The following PTGER4 variants were observed in gnomAD, a reference collection of about 807,000 sequenced individuals.
The protein encoded by PTGER4 is prostaglandin E2 receptor EP4 subtype.
In PTGER4, 11 loss-of-function variants were observed where a neutral mutation model predicts 33.2. The ratio of observed to expected loss-of-function variants is 0.33; its 90% CI spans 0.21 to 0.55. The LOEUF is 0.55. Ranked by LOEUF, PTGER4 falls within the 20% of genes least tolerant of loss-of-function variation. The pLI is 0.92. For missense variants in PTGER4, 481 were observed against 650.2 expected, an observed-to-expected ratio of 0.74 and a Z score of 2.83; for synonymous variants, 275 against 281.5, an observed-to-expected ratio of 0.98 and a Z score of 0.23.
At chr5:40,728,495 CA>C in the PTGER4 span, 5 of 1,572,576 alleles carry the variant, frequency 3.2e-6, no homozygotes, top group East Asian at 2.3e-5. Flanking sequence ...AAAAAAAGAC[CA>C]AAAAATCTGT....
chr5:40,681,088 T>G lies in PTGER4; in HGVS notation c.95T>G (p.Val32Gly). The G allele has an allele frequency of 6.2e-7, 1 of 1,613,766 alleles. No individual in the cohort carries two copies. Among genetic ancestry groups the G allele is most frequent in the Non-Finnish European group, 8.5e-7 (1 of 1,179,974 alleles). ...CCGGCGGTGATGTTCATCTTCGGGG[T>G]GGTGGGCAACCTGGTGGCCATCGTG... ...TIPAVMFIFG[V>G]VGNLVAIVVL... Residue 32 changes from valine to glycine, a missense_variant, in exon 2 of 3, where the codon GTG (valine) becomes GGG (glycine). Physicochemically the swap from Val to Gly is moderately radical, Grantham distance 109. Transcript: ENST00000302472. This position sits in a 1 kb window ranked among gnomAD's most constrained non-coding sequence, Gnocchi z 9.8.
At chr5:40,695,667 G>C (rs913099613), downstream of PTGER4, among the ~76,000 whole-genome samples, 3 of 152,032 alleles carry the variant, frequency 2.0e-5, no homozygotes. Flanking sequence ...AGCCAAGATC[G>C]GCCACTGAAC....
the PTGER4 span, among the ~76,000 whole-genome samples, chr5:40,706,749 T>G: frequency 6.6e-6 from 1 of 151,722 alleles, no homozygotes; most frequent in Non-Finnish European, 1.5e-5. Flanking sequence ...TTAAAAGGTA[T>G]CATTATGAAA....
rs539642513 is a variant in PTGER4 at position 40,692,830 on chromosome 5, C to T, written c.*452C>T. 5.6e-5 allele frequency: 55 copies of T among 986,122 alleles called. No homozygotes were observed. In the South Asian group the frequency reaches 1.9e-3, roughly 34 times the overall value. The allele number at this position is 986,122 out of a possible 1,614,324, so 61.1% of individuals were successfully genotyped here. On this transcript the variant is annotated 3_prime_UTR_variant, in exon 3 of 3. Transcript: ENST00000302472. ...ATGTGAATTTTTATTGTTGTACATACGATTTAAGGTATTTAAAGTATTTTC... is the reference window on the plus strand; with the variant it reads ...ATGTGAATTTTTATTGTTGTACATATGATTTAAGGTATTTAAAGTATTTTC...
At chr5:40,721,502 G>A in the PTGER4 span, among the ~76,000 whole-genome samples, 2 of 152,244 alleles carry the variant, frequency 1.3e-5, no homozygotes, top group East Asian at 1.9e-4. Context: ...TATACATAAT[G>A]AGAAAAGTCT....
chr5:40,723,063 G>A, the PTGER4 span, among the ~76,000 whole-genome samples: 2 of 152,136 alleles, frequency 1.3e-5, no homozygotes, highest in African/African-American at 4.8e-5. Context: ...AAGTAGACAT[G>A]GGAGACTCCA....
chr5:40,706,258 T>C, the PTGER4 span, among the ~76,000 whole-genome samples: 2 of 152,092 alleles, frequency 1.3e-5, no homozygotes, highest in African/African-American at 4.8e-5. Context: ...TTCTCACTTA[T>C]AAGTGGGAGC....
At chr5:40,729,800 G>C in the PTGER4 span, among the ~76,000 whole-genome samples, 1 of 152,176 alleles carries the variant, frequency 6.6e-6, no homozygotes, top group Non-Finnish European at 1.5e-5. Flanking sequence ...CCACGTTCAA[G>C]TGGTCCTCCT....
In PTGER4 at chr5:40,681,375, A is replaced by G. The variant is rs1423536839; in HGVS notation, c.382A>G (p.Ser128Gly). 1.9e-6 allele frequency: 3 copies of G among 1,614,150 alleles called. No individual in the cohort carries two copies. In the East Asian group the frequency reaches 6.7e-5, roughly 36 times the overall value. ...GGCCATCAACCATGCCTATTTCTAC[A>G]GCCACTACGTGGACAAGCGATTGGC... ...YLAINHAYFY[S>G]HYVDKRLAGL... is the part of the protein sequence containing the mutation. The change falls in exon 2 of 3, where the codon AGC becomes GGC. Residue 128 changes from serine to glycine, a missense_variant. Physicochemically the swap from Ser to Gly is moderately conservative, Grantham distance 56 (BLOSUM62 0). This residue lies in a region of PTGER4 where 43 missense variants were observed against 39.4 expected (regional missense o/e 1.09). Coordinates refer to ENST00000302472, the MANE Select transcript of PTGER4 (RefSeq NM_000958.3). The surrounding 1 kb of genome is among the most constrained non-coding windows in gnomAD (Gnocchi z 9.8).
the PTGER4 span, among the ~76,000 whole-genome samples, chr5:40,701,959 T>A: frequency 6.6e-6 from 1 of 152,178 alleles, no homozygotes; most frequent in African/African-American, 2.4e-5. Context: ...AGAAATAAGA[T>A]CCTTTTCAGA....
chr5:40,696,784 A>G, downstream of PTGER4: 1 of 865,358 alleles, frequency 1.2e-6, no homozygotes, highest in Non-Finnish European at 1.4e-6. Flanking sequence ...CTCTTTCTTG[A>G]GAAGGGGTGA....
chr5:40,728,399 C>T, the PTGER4 span: 1 of 1,613,680 alleles, frequency 6.2e-7, no homozygotes, highest in Non-Finnish European at 8.5e-7. Flanking sequence ...GCCAAGACTC[C>T]CATGAATGTG....
intron 2 of PTGER4, among the ~76,000 whole-genome samples, chr5:40,685,714 C>T (rs1741306828): frequency 6.6e-6 from 1 of 152,192 alleles, no homozygotes; most frequent in South Asian, 2.1e-4. Context: ...AGTATTTTCA[C>T]TCTCTCTACA....
chr5:40,681,380 C>A lies in PTGER4; in HGVS notation c.387C>A (p.His129Gln). The A allele has an allele frequency of 1.2e-6, 2 of 1,614,176 alleles. No homozygotes were observed. The highest frequency in any genetic ancestry group is 1.7e-6 in the Non-Finnish European group (2 of 1,180,038). The change falls in exon 2 of 3, where the codon CAC becomes CAA. Residue 129 changes from histidine (H) to glutamine (Q), a missense_variant. Around this residue, in one of 7 missense-constraint regions of PTGER4, gnomAD observed 43 missense variants for 39.4 expected, o/e 1.09. Coordinates refer to ENST00000302472, the MANE Select transcript of PTGER4 (RefSeq NM_000958.3). This position sits in a 1 kb window ranked among gnomAD's most constrained non-coding sequence, Gnocchi z 9.8. ...TCAACCATGCCTATTTCTACAGCCA[C>A]TACGTGGACAAGCGATTGGCGGGCC... Reference protein sequence around the residue: ...LAINHAYFYSHYVDKRLAGLT... With the variant: ...LAINHAYFYSQYVDKRLAGLT...
At chr5:40,716,149 C>T in the PTGER4 span, 1 of 1,595,678 alleles carries the variant, frequency 6.3e-7, no homozygotes, top group South Asian at 1.1e-5. Context: ...ACTGCTTCAT[C>T]GGGCTTTGAT....
the PTGER4 span, among the ~76,000 whole-genome samples, chr5:40,725,631 C>T: frequency 6.6e-6 from 1 of 152,128 alleles, no homozygotes; most frequent in African/African-American, 2.4e-5. Flanking sequence ...CAGAAGAATC[C>T]TTCCTGATAC....
the PTGER4 span, among the ~76,000 whole-genome samples, chr5:40,726,364 C>G: frequency 2.1e-4 from 32 of 151,618 alleles, no homozygotes; most frequent in South Asian, 4.2e-3. Flanking sequence ...GGTTTTAGTC[C>G]ATATGTATAT....
chr5:40,699,702 A>C, the PTGER4 span, among the ~76,000 whole-genome samples: 1 of 152,200 alleles, frequency 6.6e-6, no homozygotes, highest in Non-Finnish European at 1.5e-5. Flanking sequence ...TATCTGAAAA[A>C]TAAATGTAAC....
chr5:40,735,024 A>C, the PTGER4 span, among the ~76,000 whole-genome samples: 3 of 152,248 alleles, frequency 2.0e-5, no homozygotes, highest in African/African-American at 7.2e-5. Flanking sequence ...AATCTGGAGA[A>C]GGTCCATTCC....
Sources: allele counts gnomAD v4.1 joint callset (sites outside exome capture counted in the v4.1 genomes callset), GRCh38; gene constraint gnomAD v4.1.1; regional missense constraint gnomAD v4.1.1; non-coding constraint Gnocchi (gnomAD v3.1); transcripts MANE v1.5; gene names NCBI Gene and HGNC (gene_info 2026-07-23, HGNC 2026-07-21).